SHQ1: variants seen among roughly 807,000 people sequenced by gnomAD.
The protein encoded by SHQ1 is protein SHQ1 homolog.
In SHQ1, 49 loss-of-function variants were observed where a neutral mutation model predicts 53.8. That is an observed-to-expected ratio of 0.91 (90% CI 0.72 to 1.16). SHQ1 has a LOEUF of 1.16. Among genes scored for constraint, SHQ1 ranks in the 50% most tolerant of loss-of-function variants. SHQ1 has a pLI of 0.00. For synonymous variants in SHQ1, 243 were observed against 251.0 expected (o/e 0.97, Z 0.30); for missense variants, 738 against 683.1 (o/e 1.08, Z -0.90).
At chr3:72,775,754 C>T (rs915158062) in intron 10 of SHQ1, among the ~76,000 whole-genome samples, 1 of 152,102 alleles carries the variant, frequency 6.6e-6, no homozygotes. Context: ...AAATTTTACA[C>T]ATGCCATTCA....
At chr3:72,842,480 A>G (rs1708205021) in intron 2 of SHQ1, 78 bp from the exon 3 acceptor site, 1 of 1,349,592 alleles carries the variant, frequency 7.4e-7, no homozygotes, top group African/African-American at 1.5e-5. Context: ...AGTAATCCCA[A>G]TACTCTGGCA....
chr3:72,731,758 T>A, the SHQ1 span, among the ~76,000 whole-genome samples: 1 of 151,414 alleles, frequency 6.6e-6, no homozygotes, highest in Non-Finnish European at 1.5e-5. Context: ...GGGATGGATA[T>A]GGCCTCAGTG....
chr3:72,726,055 C>A, the SHQ1 span, among the ~76,000 whole-genome samples: 1 of 152,058 alleles, frequency 6.6e-6, no homozygotes, highest in Non-Finnish European at 1.5e-5. Context: ...ATTGCTTGAG[C>A]CCCAGAGTTT....
At chr3:72,833,627 A>C (rs34582798) in intron 4 of SHQ1, among the ~76,000 whole-genome samples, 33,178 of 152,086 alleles carry the variant, frequency 0.22, 3,837 homozygotes, top group Non-Finnish European at 0.24. Context: ...GAAAAATGTA[A>C]AAGTCGAATC....
chr3:72,778,925 T>G (rs1216782756), intron 10 of SHQ1, among the ~76,000 whole-genome samples: 2 of 152,198 alleles, frequency 1.3e-5, no homozygotes, highest in Non-Finnish European at 2.9e-5. Flanking sequence ...GCCTTCTTCC[T>G]CATTCTCTAA....
intron 10 of SHQ1, among the ~76,000 whole-genome samples, chr3:72,777,986 C>T (rs774209947): frequency 6.6e-6 from 1 of 151,968 alleles, no homozygotes; most frequent in Non-Finnish European, 1.5e-5. Context: ...ACATAAAGTC[C>T]AAAAGAAAGC....
At chr3:72,844,769 A>C (rs956079469) in intron 1 of SHQ1, among the ~76,000 whole-genome samples, 19 of 152,248 alleles carry the variant, frequency 1.2e-4, no homozygotes, top group African/African-American at 4.6e-4. Flanking sequence ...CTTTTTGAGC[A>C]CCAACATGAC....
At chr3:72,776,975 T>C (rs1177802967) in intron 10 of SHQ1, among the ~76,000 whole-genome samples, 3 of 152,228 alleles carry the variant, frequency 2.0e-5, no homozygotes, top group Non-Finnish European at 4.4e-5. Context: ...GACTATTTAA[T>C]AAATGAAGCC....
chr3:72,826,510 T>C (rs917922886), intron 5 of SHQ1, among the ~76,000 whole-genome samples: 1 of 152,258 alleles, frequency 6.6e-6, no homozygotes, highest in Non-Finnish European at 1.5e-5. Context: ...TGTTAGGCAC[T>C]GGAGTTCCAT....
chr3:72,815,898 CA>C (rs1430805489), intron 7 of SHQ1, among the ~76,000 whole-genome samples: 1 of 152,118 alleles, frequency 6.6e-6, no homozygotes, highest in East Asian at 1.9e-4. Context: ...TTCATGATTT[CA>C]AATACACAAA....
intron 1 of SHQ1, chr3:72,846,409 C>G (rs1409551283): frequency 9.3e-7 from 1 of 1,080,432 alleles, no homozygotes; most frequent in African/African-American, 1.6e-5. Flanking sequence ...ATTCTCTCAC[C>G]TCAAGCTTCC....
intron 4 of SHQ1, among the ~76,000 whole-genome samples, chr3:72,834,444 T>C (rs1707930888): frequency 6.6e-6 from 1 of 152,086 alleles, no homozygotes; most frequent in Non-Finnish European, 1.5e-5. Flanking sequence ...GCAGGAGAAT[T>C]CTTTGAACCC....
chr3:72,760,176 C>A (rs918987562), intron 10 of SHQ1, among the ~76,000 whole-genome samples: 2 of 152,160 alleles, frequency 1.3e-5, no homozygotes, highest in African/African-American at 4.8e-5. Context: ...AATCCTTGAT[C>A]TTTTGGTTGA....
At chr3:72,824,313 T>G in intron 6 of SHQ1, 111 bp downstream of exon 6, 1 of 1,303,888 alleles carries the variant, frequency 7.7e-7, no homozygotes, top group East Asian at 2.6e-5. Context: ...AACTCATATT[T>G]TAACATTATA....
chr3:72,808,745 C>T (rs926508078), intron 9 of SHQ1, among the ~76,000 whole-genome samples: 5 of 151,910 alleles, frequency 3.3e-5, no homozygotes, highest in Non-Finnish European at 7.4e-5. Flanking sequence ...CCTGTGCCAT[C>T]CACCTGTATG....
chr3:72,805,100 C>G (rs1706898896), intron 9 of SHQ1, among the ~76,000 whole-genome samples: 2 of 151,990 alleles, frequency 1.3e-5, no homozygotes, highest in Non-Finnish European at 1.5e-5. Context: ...ATTTTTGTAT[C>G]TAAACATATC....
intron 10 of SHQ1, among the ~76,000 whole-genome samples, chr3:72,758,687 A>G (rs1705551038): frequency 6.7e-6 from 1 of 149,640 alleles, no homozygotes; most frequent in Non-Finnish European, 1.5e-5. Flanking sequence ...CTCCTGCCTC[A>G]GCCTCCTGAG....
chr3:72,834,212 A>G (rs557924730), intron 4 of SHQ1, among the ~76,000 whole-genome samples: 1 of 152,342 alleles, frequency 6.6e-6, no homozygotes, highest in Admixed American at 6.5e-5. Context: ...TATAATAAAA[A>G]GGGTCCAGAG....
intron 10 of SHQ1, among the ~76,000 whole-genome samples, chr3:72,767,599 T>C (rs187519762): frequency 4.6e-5 from 7 of 152,334 alleles, no homozygotes; most frequent in Non-Finnish European, 2.9e-5. Flanking sequence ...ATTTGCTGGA[T>C]ACCTTTTTAA....
Sources: gnomAD v4.1 joint callset for allele counts (sites outside exome capture counted in the v4.1 genomes callset) on GRCh38, gnomAD v4.1.1 for gene constraint, MANE v1.5 for transcripts, NCBI Gene and HGNC (gene_info 2026-07-23, HGNC 2026-07-21) for gene names.